The following NCOA1 variants were observed in gnomAD, a reference collection of about 807,000 sequenced individuals.
NCOA1 encodes the protein nuclear receptor coactivator 1.
A neutral mutation model predicts 150.9 loss-of-function variants in NCOA1; 35 were observed. The ratio of observed to expected loss-of-function variants is 0.23; its 90% CI spans 0.18 to 0.31. NCOA1 has a LOEUF of 0.31. Among genes scored for constraint, NCOA1 ranks in the 10% least tolerant of loss-of-function variants. The pLI, the probability that NCOA1 is intolerant of heterozygous loss-of-function variation, is 1.00. For synonymous variants in NCOA1, 590 were observed against 630.0 expected, an observed-to-expected ratio of 0.94 and a Z score of 0.95; for missense variants, 1,491 against 1,749.3, an observed-to-expected ratio of 0.85 and a Z score of 2.63.
chr2:24,551,408 C>A (rs370990964), intron 1 of NCOA1, among the ~76,000 whole-genome samples: 1 of 151,926 alleles, frequency 6.6e-6, no homozygotes, highest in East Asian at 1.9e-4. Context: ...ATTTGTGGTT[C>A]GTCTTTACAT....
At chr2:24,524,365 A>G (rs543736064) in intron 1 of NCOA1, among the ~76,000 whole-genome samples, 6 of 152,240 alleles carry the variant, frequency 3.9e-5, no homozygotes, top group South Asian at 4.1e-4. Context: ...GTGACAAATC[A>G]TGGCTCACTG....
chr2:24,763,320 A>G (rs1450436841), intron 22 of NCOA1, among the ~76,000 whole-genome samples: 1 of 151,894 alleles, frequency 6.6e-6, no homozygotes, highest in Non-Finnish European at 1.5e-5. Context: ...CGGGCGGATC[A>G]CAAGGTCAGG....
chr2:24,615,856 T>C (rs1289904020), intron 3 of NCOA1, among the ~76,000 whole-genome samples: 2 of 152,036 alleles, frequency 1.3e-5, no homozygotes, highest in Non-Finnish European at 2.9e-5. Flanking sequence ...TAAGTCCAGA[T>C]AGGAGGAAAA....
chr2:24,502,198 G>C lies in NCOA1; in HGVS notation c.-396+10596G>C, dbSNP rs142170169. The stretch of plus-strand genomic sequence containing the variant: ...AAAGAGCCCAGTTTCAATTCACTTC[G>C]CTTCAAGTATCCCTGCTGGGTAGGC... On this transcript the variant is annotated intron_variant, in intron 1 of 22. Coordinates refer to ENST00000348332, the MANE Select transcript of NCOA1 (RefSeq NM_003743.5). Among the ~76,000 whole-genome samples the C allele has an allele frequency of 1.7e-3, 256 of 152,200 alleles. 1 individual carries two copies. Among genetic ancestry groups the C allele is most frequent in the Admixed American group, 0.012 (186 of 15,288 alleles).
rs1228783732 is a variant in NCOA1 at position 24,634,713 on chromosome 2, C to G, written c.-174-9253C>G. 6.4e-5 allele frequency among the ~76,000 whole-genome samples: 7 copies of G among 109,670 alleles called. 1 individual carries two copies. Among genetic ancestry groups the G allele is most frequent in the Admixed American group, 4.4e-4 (5 of 11,336 alleles). 71.9% of individuals were successfully genotyped at this position (109,670 alleles called of 152,430 possible). On this transcript the variant is annotated intron_variant, in intron 3 of 22. Coordinates refer to ENST00000348332, the MANE Select transcript of NCOA1 (RefSeq NM_003743.5). ...CCTGGATTCCTAGGGGAGGAACCCCCCCCCCCCCCGCCCCCGGAGACAAGA... is the reference window on the plus strand; with the variant it reads ...CCTGGATTCCTAGGGGAGGAACCCCGCCCCCCCCCGCCCCCGGAGACAAGA...
At chr2:24,586,345 G>A (rs549787121) in intron 3 of NCOA1, among the ~76,000 whole-genome samples, 15 of 151,338 alleles carry the variant, frequency 9.9e-5, no homozygotes, top group Non-Finnish European at 2.1e-4. Context: ...CAGCTACTTG[G>A]GTGGCTGAGG....
At chr2:24,652,221 G>A (rs12713361) in intron 4 of NCOA1, among the ~76,000 whole-genome samples, 122,581 of 152,020 alleles carry the variant, frequency 0.81, 51,345 homozygotes, top group East Asian at 0.99. Context: ...TGAAAATCCT[G>A]AAGTCCCTAT....
At chr2:24,690,615 G>A (rs1336615964) in intron 8 of NCOA1, among the ~76,000 whole-genome samples, 7 of 114,648 alleles carry the variant, frequency 6.1e-5, no homozygotes, top group Non-Finnish European at 3.3e-5. Context: ...TCACACCATT[G>A]CACTCCAGCA....
chr2:24,517,619 C>T (rs1016687670), intron 1 of NCOA1, among the ~76,000 whole-genome samples: 1 of 152,108 alleles, frequency 6.6e-6, no homozygotes, highest in African/African-American at 2.4e-5. Flanking sequence ...CTGGCTCAAA[C>T]AATTAGAACT....
intron 1 of NCOA1, among the ~76,000 whole-genome samples, chr2:24,505,207 A>G (rs1351145329): frequency 1.4e-5 from 2 of 145,832 alleles, no homozygotes; most frequent in Non-Finnish European, 3.0e-5. Context: ...TTTTTTTGAG[A>G]CGGAGTTTTG....
intron 1 of NCOA1, among the ~76,000 whole-genome samples, chr2:24,497,373 A>G (rs1198484321): frequency 6.6e-6 from 1 of 151,964 alleles, no homozygotes; most frequent in East Asian, 1.9e-4. Context: ...ACTTGATGAA[A>G]ATGTCACTTT....
chr2:24,672,498 G>A (rs1232005354), intron 6 of NCOA1, among the ~76,000 whole-genome samples: 1 of 152,022 alleles, frequency 6.6e-6, no homozygotes, highest in East Asian at 1.9e-4. Context: ...GGGCTTAAGC[G>A]ATCCTCCTAC....
chr2:24,521,450 C>A (rs1216872206), intron 1 of NCOA1, among the ~76,000 whole-genome samples: 1 of 152,138 alleles, frequency 6.6e-6, no homozygotes, highest in Non-Finnish European at 1.5e-5. Context: ...ATGAGTTCAA[C>A]TTTTTAAGAT....
intron 4 of NCOA1, 72 bp from the exon 5 acceptor site, chr2:24,658,589 G>C: frequency 9.2e-7 from 1 of 1,089,046 alleles, no homozygotes; most frequent in Non-Finnish European, 1.4e-6. Context: ...CTAACAGAGG[G>C]GAGCTTCCCT....
chr2:24,605,744 A>C (rs1249100741), intron 3 of NCOA1, among the ~76,000 whole-genome samples: 2 of 152,196 alleles, frequency 1.3e-5, no homozygotes, highest in Non-Finnish European at 2.9e-5. Context: ...CCTCTGTTGC[A>C]TCAGGAATGG....
chr2:24,692,724 G>A (rs1021790616), intron 9 of NCOA1, among the ~76,000 whole-genome samples: 55 of 152,190 alleles, frequency 3.6e-4, no homozygotes, highest in Admixed American at 3.1e-3. Context: ...GCATTCAATA[G>A]GAAGGAATGG....
At chr2:24,566,797 A>T (rs923605202) in intron 2 of NCOA1, among the ~76,000 whole-genome samples, 2 of 152,210 alleles carry the variant, frequency 1.3e-5, no homozygotes, top group Non-Finnish European at 1.5e-5. Context: ...CTGGGTTGCA[A>T]CAGTGCCCGG....
intron 13 of NCOA1, among the ~76,000 whole-genome samples, chr2:24,708,722 TCA>T (rs1206952834): frequency 6.6e-6 from 1 of 152,164 alleles, no homozygotes; most frequent in Non-Finnish European, 1.5e-5. Context: ...AAAGCATGAG[TCA>T]CACTTAGTAT....
intron 3 of NCOA1, among the ~76,000 whole-genome samples, chr2:24,596,813 C>A (rs1338703789): frequency 6.6e-6 from 1 of 152,086 alleles, no homozygotes; most frequent in African/African-American, 2.4e-5. Flanking sequence ...AAGACTTACG[C>A]CATTCTACAA....
Sources: allele counts gnomAD v4.1 joint callset (sites outside exome capture counted in the v4.1 genomes callset), GRCh38; gene constraint gnomAD v4.1.1; transcripts MANE v1.5; gene names NCBI Gene and HGNC (gene_info 2026-07-23, HGNC 2026-07-21).